ITPR2: variants seen among roughly 807,000 people sequenced by gnomAD.
ITPR2 encodes inositol 1,4,5-trisphosphate receptor type 2.
ITPR2 carries 207 observed loss-of-function variants against 317.1 expected under a neutral mutation model. The observed-to-expected ratio is 0.65, with a 90% confidence interval of 0.58 to 0.73. ITPR2 has a LOEUF of 0.73. ITPR2 is among the 30% of genes least tolerant of loss of function. The pLI is 0.00. For synonymous variants in ITPR2, 1,156 were observed against 1,149.1 expected, an observed-to-expected ratio of 1.01 and a Z score of -0.12; for missense variants, 2,613 against 3,284.0, an observed-to-expected ratio of 0.80 and a Z score of 4.99.
chr12:26,782,471 T>C (rs141139545), intron 2 of ITPR2, among the ~76,000 whole-genome samples: 9 of 152,214 alleles, frequency 5.9e-5, no homozygotes, highest in Non-Finnish European at 1.2e-4. Context: ...AAAGGGCTAT[T>C]GTGTAGGAAA....
chr12:26,661,720 T>C (rs1947508293), intron 15 of ITPR2, among the ~76,000 whole-genome samples: 1 of 152,122 alleles, frequency 6.6e-6, no homozygotes, highest in Admixed American at 6.5e-5. Flanking sequence ...ACAAGTGTAT[T>C]TCTCCAAACC....
chr12:26,434,129 G>A (rs1013900555), intron 48 of ITPR2, among the ~76,000 whole-genome samples: 5 of 151,774 alleles, frequency 3.3e-5, no homozygotes, highest in African/African-American at 1.2e-4. Context: ...TGAAAAATCC[G>A]TTATTTCAAG....
intron 2 of ITPR2, among the ~76,000 whole-genome samples, chr12:26,727,043 T>G (rs1045330136): frequency 2.6e-5 from 4 of 152,246 alleles, no homozygotes; most frequent in Admixed American, 2.6e-4. Context: ...ACCTTCAAAC[T>G]GCTAAAAGTA....
intron 13 of ITPR2, among the ~76,000 whole-genome samples, chr12:26,670,215 C>T (rs1047964561): frequency 1.6e-4 from 24 of 152,330 alleles, no homozygotes; most frequent in African/African-American, 5.3e-4. Context: ...CAGCATGCAG[C>T]TGGAGATCTG....
chr12:26,784,024 G>C (rs1011678382), intron 2 of ITPR2, among the ~76,000 whole-genome samples: 8 of 80,256 alleles, frequency 1.0e-4, no homozygotes, highest in African/African-American at 2.4e-4. Context: ...ACTGAAGTCT[G>C]GAATGCAGTC....
At chr12:26,576,229 C>A (rs1315465765) in intron 34 of ITPR2, among the ~76,000 whole-genome samples, 1 of 152,098 alleles carries the variant, frequency 6.6e-6, no homozygotes, top group African/African-American at 2.4e-5. Flanking sequence ...AATATATTAG[C>A]AGAAATTACA....
chr12:26,465,823 C>T (rs28680575), intron 45 of ITPR2, among the ~76,000 whole-genome samples: 1 of 152,112 alleles, frequency 6.6e-6, no homozygotes, highest in Non-Finnish European at 1.5e-5. Context: ...CACCCCACAA[C>T]TGCATCTATA....
At chr12:26,453,622 C>T (rs139246164) in intron 45 of ITPR2, among the ~76,000 whole-genome samples, 2 of 152,234 alleles carry the variant, frequency 1.3e-5, no homozygotes, top group Non-Finnish European at 2.9e-5. Context: ...TGTAACTAAA[C>T]GCAAGTCTTT....
intron 1 of ITPR2, among the ~76,000 whole-genome samples, chr12:26,793,535 T>C (rs1388857868): frequency 1.3e-5 from 2 of 152,160 alleles, no homozygotes; most frequent in African/African-American, 4.8e-5. Context: ...ATAGACTGTA[T>C]CACAGCCCAG....
At chr12:26,359,382 G>C (rs1938749598) in intron 55 of ITPR2, among the ~76,000 whole-genome samples, 2 of 152,146 alleles carry the variant, frequency 1.3e-5, no homozygotes, top group Admixed American at 1.3e-4. Flanking sequence ...CAGATATACA[G>C]GGAACCAAGA....
Position 26,400,242 on chromosome 12 carries a change from T to G in ITPR2, c.7416A>C (p.Glu2472Asp). ...PASNTADEEY[E>D]DGIERTCDTL... ...TGTCACACGTCCTTTCAATTCCATC[T>G]TCATACTCTTCATCAGCTATAAAAA... The change falls in exon 53 of 57, where the codon GAA (glutamate) becomes GAC (aspartate). Residue 2472 changes from glutamate to aspartate, a missense_variant. Transcript: ENST00000381340. The G allele has an allele frequency of 6.4e-7, 1 of 1,570,046 alleles. No individual in the cohort carries two copies. The highest frequency in any genetic ancestry group is 1.2e-5 in the South Asian group (1 of 82,090).
At chr12:26,474,980 C>CCT (rs1942384831) in intron 45 of ITPR2, among the ~76,000 whole-genome samples, 1 of 152,028 alleles carries the variant, frequency 6.6e-6, no homozygotes, top group South Asian at 2.1e-4. Context: ...TCCCCAGTAG[C>CCT]CTCTCTTCCC....
chr12:26,534,789 T>C (rs1221747340), intron 37 of ITPR2, among the ~76,000 whole-genome samples: 1 of 152,234 alleles, frequency 6.6e-6, no homozygotes, highest in Non-Finnish European at 1.5e-5. Flanking sequence ...GAAAAGATAC[T>C]ATGGCACTGT....
intron 41 of ITPR2, among the ~76,000 whole-genome samples, 190 bp from the exon 42 acceptor site, chr12:26,484,088 TAC>T (rs1029653446): frequency 5.3e-5 from 8 of 151,064 alleles, no homozygotes; most frequent in African/African-American, 1.7e-4. Context: ...TATATATATA[TAC>T]ACACACACAT....
intron 37 of ITPR2, among the ~76,000 whole-genome samples, chr12:26,510,710 A>G (rs1156539752): frequency 6.6e-6 from 1 of 152,244 alleles, no homozygotes; most frequent in Admixed American, 6.5e-5. Flanking sequence ...TGAATCAGTA[A>G]ATTCAATTTG....
At chr12:26,653,241 CTTTTTTTTTTTTT>C (rs774729786) in intron 21 of ITPR2, among the ~76,000 whole-genome samples, 200 of 103,602 alleles carry the variant, frequency 1.9e-3, no homozygotes, top group African/African-American at 7.4e-3. Flanking sequence ...TTGAATCTTT[CTTTTTTTTTTTTT>C]TTTTTTTTTG....
intron 9 of ITPR2, among the ~76,000 whole-genome samples, chr12:26,703,209 T>G (rs1948484841): frequency 6.6e-6 from 1 of 152,236 alleles, no homozygotes; most frequent in South Asian, 2.1e-4. Context: ...CATGGTCACC[T>G]ACAGATGTTA....
chr12:26,771,507 T>C (rs1949843104), intron 2 of ITPR2, among the ~76,000 whole-genome samples: 1 of 152,126 alleles, frequency 6.6e-6, no homozygotes, highest in South Asian at 2.1e-4. Flanking sequence ...TTGTTGTTAT[T>C]ATTATTGTTT....
chr12:26,661,705 G>A (rs937164706), intron 15 of ITPR2, among the ~76,000 whole-genome samples: 8 of 152,078 alleles, frequency 5.3e-5, no homozygotes, highest in African/African-American at 1.7e-4. Flanking sequence ...GTGGTGACCA[G>A]TCTCACAAGT....
Sources: allele counts gnomAD v4.1 joint callset (sites outside exome capture counted in the v4.1 genomes callset), GRCh38; gene constraint gnomAD v4.1.1; transcripts MANE v1.5; gene names NCBI Gene and HGNC (gene_info 2026-07-23, HGNC 2026-07-21).